Variants in CAMK2D observed in about 807,000 individuals in gnomAD.
CAMK2D encodes calcium/calmodulin dependent protein kinase II delta, also known as calcium/calmodulin-dependent protein kinase type II subunit delta.
In CAMK2D, 37 loss-of-function variants were observed where a neutral mutation model predicts 84.0. The observed-to-expected ratio is 0.44, with a 90% CI of 0.34 to 0.58. The LOEUF is 0.58. CAMK2D is among the 20% of genes least tolerant of loss of function. The pLI is 0.02. For missense variants in CAMK2D, 448 were observed against 652.5 expected (o/e 0.69, Z 3.41); for synonymous variants, 202 against 212.5 (o/e 0.95, Z 0.43).
chr4:113,524,015 G>A (rs561160209), intron 8 of CAMK2D, among the ~76,000 whole-genome samples: 56 of 151,964 alleles, frequency 3.7e-4, no homozygotes, highest in Admixed American at 1.3e-4. Context: ...GACTACGGGT[G>A]TGTGCTACCA....
At chr4:113,749,775 G>C (rs1410599770) in intron 2 of CAMK2D, among the ~76,000 whole-genome samples, 1 of 152,110 alleles carries the variant, frequency 6.6e-6, no homozygotes, top group Admixed American at 6.5e-5. Context: ...TGCTCAAAAA[G>C]AAAATACTGA....
chr4:113,668,957 A>G (rs1436622359), intron 2 of CAMK2D, among the ~76,000 whole-genome samples: 2 of 152,166 alleles, frequency 1.3e-5, no homozygotes, highest in African/African-American at 2.4e-5. Flanking sequence ...GCTGTATAAT[A>G]TATTTATTCT....
At chr4:113,616,833 A>G (rs1456209737) in intron 3 of CAMK2D, among the ~76,000 whole-genome samples, 3 of 152,218 alleles carry the variant, frequency 2.0e-5, no homozygotes, top group Non-Finnish European at 4.4e-5. Flanking sequence ...AGATTTAGTA[A>G]TATCTGGAAA....
At chr4:113,559,434 T>A (rs1293188577) in intron 4 of CAMK2D, among the ~76,000 whole-genome samples, 1 of 152,258 alleles carries the variant, frequency 6.6e-6, no homozygotes, top group Non-Finnish European at 1.5e-5. Context: ...ATTTTGTTAT[T>A]TATTATGCTT....
chr4:113,564,389 G>A (rs902217429), intron 4 of CAMK2D, among the ~76,000 whole-genome samples: 8 of 152,074 alleles, frequency 5.3e-5, no homozygotes, highest in Non-Finnish European at 1.0e-4. Flanking sequence ...AGGCAATCTT[G>A]ATTTAATTTT....
chr4:113,688,077 T>C (rs537403811), intron 2 of CAMK2D, among the ~76,000 whole-genome samples: 1 of 152,316 alleles, frequency 6.6e-6, no homozygotes, highest in African/African-American at 2.4e-5. Context: ...TGATTTTCCA[T>C]GGTTCCTAAA....
intron 3 of CAMK2D, among the ~76,000 whole-genome samples, chr4:113,614,969 C>T (rs888482182): frequency 6.6e-6 from 1 of 152,100 alleles, no homozygotes; most frequent in Non-Finnish European, 1.5e-5. Flanking sequence ...TCATACAGAA[C>T]AGATTGTATT....
chr4:113,460,672 CAAT>C (rs141015279), intron 17 of CAMK2D, among the ~76,000 whole-genome samples: 4 of 150,046 alleles, frequency 2.7e-5, no homozygotes, highest in Middle Eastern at 3.2e-3. Flanking sequence ...AATACTTCTG[CAAT>C]AATAATAATA....
intron 16 of CAMK2D, among the ~76,000 whole-genome samples, chr4:113,467,876 T>G (rs1167218675): frequency 6.6e-6 from 1 of 151,974 alleles, no homozygotes; most frequent in Admixed American, 6.6e-5. Flanking sequence ...GAGGAGGATC[T>G]CAGAAAATGA....
chr4:113,698,381 C>T (rs1466892446), intron 2 of CAMK2D, among the ~76,000 whole-genome samples: 1 of 151,936 alleles, frequency 6.6e-6, no homozygotes, highest in Non-Finnish European at 1.5e-5. Flanking sequence ...CTCTCTGTGC[C>T]TCAAATTCAT....
chr4:113,601,447 A>C (rs1254642891), intron 4 of CAMK2D, among the ~76,000 whole-genome samples: 1 of 152,026 alleles, frequency 6.6e-6, no homozygotes. Context: ...AAAAACCACT[A>C]AAATTGTTAG....
At chr4:113,720,771 T>C (rs948136203) in intron 2 of CAMK2D, among the ~76,000 whole-genome samples, 1 of 152,062 alleles carries the variant, frequency 6.6e-6, no homozygotes, top group African/African-American at 2.4e-5. Context: ...ATATACTGAC[T>C]TCAAAATAAC....
At chr4:113,493,194 G>C (rs2097868840) in intron 16 of CAMK2D, among the ~76,000 whole-genome samples, 2 of 150,972 alleles carry the variant, frequency 1.3e-5, no homozygotes, top group Admixed American at 1.3e-4. Flanking sequence ...TATGATGTTA[G>C]CTGGTTATTT....
intron 2 of CAMK2D, among the ~76,000 whole-genome samples, chr4:113,718,448 T>A (rs1050752542): frequency 1.3e-5 from 2 of 152,164 alleles, no homozygotes; most frequent in African/African-American, 2.4e-5. Context: ...AGATGATCCA[T>A]CAGTGCAGGG....
intron 4 of CAMK2D, among the ~76,000 whole-genome samples, chr4:113,563,377 A>G (rs949368198): frequency 2.0e-5 from 3 of 152,260 alleles, no homozygotes; most frequent in Non-Finnish European, 4.4e-5. Flanking sequence ...AGATCTGGGT[A>G]CTGAAAGCCA....
At chr4:113,646,639 G>A (rs1319078359) in intron 3 of CAMK2D, among the ~76,000 whole-genome samples, 2 of 152,196 alleles carry the variant, frequency 1.3e-5, no homozygotes, top group Non-Finnish European at 2.9e-5. Flanking sequence ...GTGAAGAAAT[G>A]CAAGGAGCCC....
chr4:113,747,974 T>G (rs2099608439), intron 2 of CAMK2D, among the ~76,000 whole-genome samples: 1 of 152,166 alleles, frequency 6.6e-6, no homozygotes, highest in Non-Finnish European at 1.5e-5. Context: ...CGTTCCAATA[T>G]TCTGGCTTCT....
intron 4 of CAMK2D, among the ~76,000 whole-genome samples, chr4:113,573,254 T>A (rs1339981307): frequency 6.6e-6 from 1 of 152,186 alleles, no homozygotes; most frequent in Non-Finnish European, 1.5e-5. Context: ...CACACATACA[T>A]GCACATACAC....
At chr4:113,742,887 A>G (rs753589766) in intron 2 of CAMK2D, among the ~76,000 whole-genome samples, 12 of 152,198 alleles carry the variant, frequency 7.9e-5, no homozygotes, top group Non-Finnish European at 1.3e-4. Context: ...TTTTATCTAT[A>G]AATAGTACTT....
Sources: gnomAD v4.1 joint callset for allele counts (sites outside exome capture counted in the v4.1 genomes callset) on GRCh38, gnomAD v4.1.1 for gene constraint, MANE v1.5 for transcripts, NCBI Gene and HGNC (gene_info 2026-07-23, HGNC 2026-07-21) for gene names.